GLG1: variants seen among roughly 807,000 people sequenced by gnomAD.
GLG1 encodes golgi glycoprotein 1.
In GLG1, 38 loss-of-function variants were observed where a neutral mutation model predicts 160.5. The observed-to-expected ratio is 0.24, with a 90% confidence interval of 0.18 to 0.31. The LOEUF is 0.31. GLG1 is among the 10% of genes least tolerant of loss of function. The pLI, the probability that GLG1 is intolerant of heterozygous loss-of-function variation, is 1.00. For synonymous variants in GLG1, 644 were observed against 543.4 expected (o/e 1.19, Z -2.57); for missense variants, 1,373 against 1,505.2 (o/e 0.91, Z 1.45).
At position 74,491,214 on chromosome 16, in the gene GLG1, C is replaced by T. The variant is rs372210730; in HGVS notation, c.1236G>A (p.Gly412=). 6.2e-7 allele frequency: 1 copy of T among 1,611,332 alleles called. No homozygotes were observed. Among genetic ancestry groups the T allele is most frequent in the Non-Finnish European group, 8.5e-7 (1 of 1,177,700 alleles). The change falls in exon 8 of 26, where the codon GGG becomes GGA. Residue 412 remains glycine, a splice_region_variant and synonymous_variant. Coordinates refer to ENST00000422840, the MANE Select transcript of GLG1 (RefSeq NM_001145667.2). The part of the protein sequence containing the change: ...LMCLESAVHR[G]RQVSSECQGE... ...CCTGGCACTCACTGCTGACTTGTCG[C>T]CCTAAGTTAGGATGTAAGTCATAAC... is the stretch of plus-strand genomic sequence containing the variant.
chr16:74,465,736 T>C lies in GLG1; in HGVS notation c.2607A>G (p.Thr869=), dbSNP rs2014976517. Residue 869 remains threonine (T), a synonymous_variant, in exon 19 of 26, where the codon ACA becomes ACG. Coordinates refer to ENST00000422840, the MANE Select transcript of GLG1 (RefSeq NM_001145667.2). ...CHQKVFKLQE[T]EMMDPELDYT... is the part of the protein sequence containing the mutation. ...AGTCTAGCTCTGGGTCCATCATCTC[T>C]GTCTCCTGCAGCTTAAATACTTTTT... 1 of 1,613,716 alleles carries C rather than the reference T, an allele frequency of 6.2e-7. No homozygotes were observed. Among genetic ancestry groups the C allele is most frequent in the Non-Finnish European group, 8.5e-7 (1 of 1,179,608 alleles).
rs749555587 is a variant in GLG1, at chr16:74,462,172, G to C, written c.2958C>G (p.Asp986Glu). Residue 986 changes from aspartate (D) to glutamate (E), a missense_variant, in exon 22 of 26, where the codon GAC becomes GAG. Asp to Glu is a conservative substitution (Grantham distance 45). This residue lies in a region of GLG1 where 491 missense variants were observed against 632.1 expected (regional missense o/e 0.78). Transcript: ENST00000422840. The part of the protein sequence containing the change: ...ADQRLSSDCE[D>E]QIRIIIQESA... Reference sequence around the variant, plus strand: ...ACTCCTGGATAATGATTCGGATCTGGTCTTCACAGTCTGAAGACAGGCGCT... The same window carrying C: ...ACTCCTGGATAATGATTCGGATCTGCTCTTCACAGTCTGAAGACAGGCGCT... 1.8e-5 allele frequency: 29 copies of C among 1,602,410 alleles called. No homozygotes were observed. Among genetic ancestry groups the C allele is most frequent in the Non-Finnish European group, 2.5e-5 (29 of 1,169,772 alleles).
chr16:74,499,334 G>A (rs986126369), intron 4 of GLG1, among the ~76,000 whole-genome samples: 2 of 152,262 alleles, frequency 1.3e-5, no homozygotes, highest in African/African-American at 4.8e-5. Context: ...CCAAGCTCCT[G>A]GGCTCAAGTG....
At chr16:74,533,194 G>A (rs1046069413) in intron 1 of GLG1, among the ~76,000 whole-genome samples, 1 of 152,016 alleles carries the variant, frequency 6.6e-6, no homozygotes, top group African/African-American at 2.4e-5. Flanking sequence ...GGTGGCAGGC[G>A]CCTGTAGTCC....
intron 1 of GLG1, among the ~76,000 whole-genome samples, chr16:74,594,096 G>A (rs1268932875): frequency 1.3e-5 from 2 of 151,238 alleles, no homozygotes; most frequent in Admixed American, 6.6e-5. Context: ...TAGGAGAGAC[G>A]GGATTTCGAC....
At chr16:74,482,825 G>A (rs998434208) in intron 10 of GLG1, among the ~76,000 whole-genome samples, 198 bp downstream of exon 10, 2 of 152,168 alleles carry the variant, frequency 1.3e-5, no homozygotes, top group African/African-American at 4.8e-5. Context: ...GGTACAGGCT[G>A]GTAGTGGGCT....
chr16:74,477,255 C>T, intron 12 of GLG1, 141 bp downstream of exon 12: 1 of 720,106 alleles, frequency 1.4e-6, no homozygotes. Context: ...AGAATTTCTT[C>T]CAGAGAAAAT....
intron 2 of GLG1, among the ~76,000 whole-genome samples, chr16:74,530,199 T>A (rs2017487409): frequency 6.6e-6 from 1 of 152,178 alleles, no homozygotes; most frequent in Non-Finnish European, 1.5e-5. Flanking sequence ...TTTCCCCTAA[T>A]CCTTTGCTTT....
At chr16:74,472,842 A>T (rs1374057046) in intron 13 of GLG1, 2 of 324,698 alleles carry the variant, frequency 6.2e-6, no homozygotes, top group African/African-American at 2.2e-5. Flanking sequence ...GTTACTGGGG[A>T]ACACATACTA....
intron 2 of GLG1, among the ~76,000 whole-genome samples, chr16:74,509,535 T>C (rs975104722): frequency 2.0e-5 from 3 of 151,914 alleles, no homozygotes; most frequent in African/African-American, 4.8e-5. Flanking sequence ...TAGGCATATT[T>C]ATCTTCATTC....
At chr16:74,592,423 C>T (rs1442376770) in intron 1 of GLG1, among the ~76,000 whole-genome samples, 1 of 152,172 alleles carries the variant, frequency 6.6e-6, no homozygotes, top group Non-Finnish European at 1.5e-5. Flanking sequence ...AGAGCCACTG[C>T]ACCCGGACTG....
intron 1 of GLG1, among the ~76,000 whole-genome samples, chr16:74,556,262 T>A (rs2018350422): frequency 6.6e-6 from 1 of 152,182 alleles, no homozygotes; most frequent in Non-Finnish European, 1.5e-5. Flanking sequence ...CAATAAGATA[T>A]ACAGTTAGGT....
rs753921101 is a variant in GLG1 at position 74,503,675 on chromosome 16, G to C, written c.630C>G (p.Asn210Lys). ...ACTGGTGACACTGATACTCAGTGAT[G>C]TTGCCTCGGTGATCCACCAAGCAGG... is the stretch of plus-strand genomic sequence containing the variant. The part of the protein sequence containing the change: ...MVSCLVDHRG[N>K]ITEYQCHQYI... The change falls in exon 4 of 26, where the codon AAC (asparagine) becomes AAG (lysine). Residue 210 changes from asparagine to lysine, a missense_variant. Transcript: ENST00000422840. 2 of 1,611,916 alleles carry C rather than the reference G, an allele frequency of 1.2e-6. No individual in the cohort carries two copies. Among genetic ancestry groups the C allele is most frequent in the African/African-American group, 2.7e-5 (2 of 74,994 alleles).
intron 10 of GLG1, among the ~76,000 whole-genome samples, chr16:74,481,247 G>A (rs1404876728): frequency 6.6e-6 from 1 of 152,142 alleles, no homozygotes; most frequent in Non-Finnish European, 1.5e-5. Context: ...GGTTACTTGA[G>A]TGTGCTTATC....
intron 1 of GLG1, among the ~76,000 whole-genome samples, chr16:74,579,203 C>CA (rs779237459): frequency 4.2e-4 from 64 of 151,574 alleles, no homozygotes; most frequent in Admixed American, 8.5e-4. Flanking sequence ...ACAACAACAA[C>CA]AAAAAAAACA....
intron 13 of GLG1, among the ~76,000 whole-genome samples, chr16:74,473,964 T>C (rs1360450111): frequency 6.6e-6 from 1 of 152,044 alleles, no homozygotes; most frequent in East Asian, 1.9e-4. Context: ...TTTTTTTTTT[T>C]TTTTTGAAAC....
intron 16 of GLG1, 55 bp downstream of exon 16, chr16:74,469,930 C>T (rs962705646): frequency 2.7e-6 from 3 of 1,119,138 alleles, no homozygotes; most frequent in African/African-American, 1.5e-5. Flanking sequence ...CATACTCATT[C>T]CGGAGCTAAG....
intron 1 of GLG1, among the ~76,000 whole-genome samples, chr16:74,569,640 T>A (rs922796334): frequency 6.6e-6 from 1 of 152,014 alleles, no homozygotes; most frequent in South Asian, 2.1e-4. Flanking sequence ...GATGGGTGGA[T>A]CACCTGAGGT....
At position 74,484,227 on chromosome 16, in the gene GLG1, A is replaced by G. The variant is rs2143332900; in HGVS notation, c.1572-1103T>C. ...AGGAGTTCTTGCATAGCAGCATGAGATAAACATGGACTATACTCACTTTGT... is the reference window on the plus strand; with the variant it reads ...AGGAGTTCTTGCATAGCAGCATGAGGTAAACATGGACTATACTCACTTTGT... On this transcript the variant is annotated intron_variant, in intron 9 of 25. Coordinates refer to ENST00000422840, the MANE Select transcript of GLG1 (RefSeq NM_001145667.2). Among the ~76,000 whole-genome samples, 3 of 152,304 alleles carry G rather than the reference A, an allele frequency of 2.0e-5. 1 individual carries two copies. The highest frequency in any genetic ancestry group is 2.0e-4 in the Admixed American group (3 of 15,286).
Sources: allele counts gnomAD v4.1 joint callset (sites outside exome capture counted in the v4.1 genomes callset), GRCh38; gene constraint gnomAD v4.1.1; regional missense constraint gnomAD v4.1.1; transcripts MANE v1.5; gene names NCBI Gene and HGNC (gene_info 2026-07-23, HGNC 2026-07-21).